The following CERS5 variants were observed in gnomAD, a reference collection of about 807,000 sequenced individuals.
CERS5 encodes the protein ceramide synthase 5.
In CERS5, 37 loss-of-function variants were observed where a neutral mutation model predicts 58.9. The ratio of observed to expected loss-of-function variants is 0.63; its 90% CI spans 0.48 to 0.83. The LOEUF (loss-of-function observed/expected upper bound fraction) is 0.83, where lower values mean the gene tolerates loss of function less well. Ranked by LOEUF, CERS5 falls within the 40% of genes least tolerant of loss-of-function variation. The pLI is 0.00. For missense variants in CERS5, 398 were observed against 489.3 expected, an observed-to-expected ratio of 0.81 and a Z score of 1.76; for synonymous variants, 147 against 177.8, an observed-to-expected ratio of 0.83 and a Z score of 1.38.
intron 2 of CERS5, 105 bp from the exon 3 acceptor site, chr12:50,143,309 T>C (rs777983612): frequency 7.4e-7 from 1 of 1,358,360 alleles, no homozygotes; most frequent in Non-Finnish European, 1.0e-6. Context: ...GTGGCTCAAG[T>C]GATGTTTATC....
At position 50,143,970 on chromosome 12, in the gene CERS5, C is replaced by T. The variant is rs753570774; in HGVS notation, c.285G>A (p.Val95=). 1.9e-6 allele frequency: 3 copies of T among 1,605,458 alleles called. No individual in the cohort carries two copies. Among genetic ancestry groups the T allele is most frequent in the South Asian group, 2.2e-5 (2 of 90,846 alleles). Residue 95 remains valine, a synonymous_variant, in exon 2 of 10, where the codon GTG becomes GTA. Coordinates refer to ENST00000317551, the MANE Select transcript of CERS5 (RefSeq NM_147190.5). ...QAQPNAILEK[V]FISITKYPDK... ...CACTTACCTTGGTAATAGATATGAA[C>T]ACCTTTTCAAGGATGGCATTGGGTT...
In CERS5 at chr12:50,141,776, T is replaced by C. The variant is rs577650177; in HGVS notation, c.492+277A>G. Among the ~76,000 whole-genome samples, 3 of 151,618 alleles carry C rather than the reference T, an allele frequency of 2.0e-5. No homozygotes were observed. In the East Asian group the frequency reaches 5.9e-4, roughly 30 times the overall value. On this transcript the variant is annotated intron_variant, in intron 4 of 9. Coordinates refer to ENST00000317551, the MANE Select transcript of CERS5 (RefSeq NM_147190.5). Reference sequence around the variant, plus strand: ...CAACATGGTGAAACCCCGTCTCTACTAAAAATACAAAAATTAGCCAGGTAT... The same window carrying C: ...CAACATGGTGAAACCCCGTCTCTACCAAAAATACAAAAATTAGCCAGGTAT...
chr12:50,140,703 T>C (rs1437072079), intron 4 of CERS5, among the ~76,000 whole-genome samples: 1 of 152,250 alleles, frequency 6.6e-6, no homozygotes, highest in Non-Finnish European at 1.5e-5. Flanking sequence ...ACTTATTTTA[T>C]GGCCCAGCAT....
intron 2 of CERS5, 49 bp from the exon 3 acceptor site, chr12:50,143,253 C>A: frequency 6.2e-7 from 1 of 1,603,602 alleles, no homozygotes; most frequent in Non-Finnish European, 8.5e-7. Context: ...CATACCCCTC[C>A]TTCAATCCCA....
In CERS5 at chr12:50,137,768, C is replaced by G. The variant is rs775033866; in HGVS notation, c.596G>C (p.Trp199Ser). 2 of 1,609,774 alleles carry G rather than the reference C, an allele frequency of 1.2e-6. No individual in the cohort carries two copies. The highest frequency in any genetic ancestry group is 1.3e-5 in the African/African-American group (1 of 74,726). Residue 199 changes from tryptophan to serine, a missense_variant, in exon 6 of 10, where the codon TGG (tryptophan) becomes TCG (serine). Trp to Ser is a radical substitution (Grantham distance 177). Transcript: ENST00000317551. ...TGTAAACTGAGAAAACATAAGGGAC[C>G]AATAGAAGGCCAATTCCATGATATA... ...HYYIMELAFY[W>S]SLMFSQFTDI...
At chr12:50,166,143 C>T (rs989783455) in intron 1 of CERS5, 128 of 247,818 alleles carry the variant, frequency 5.2e-4, no homozygotes, top group African/African-American at 2.5e-3. Context: ...GCCAACATGG[C>T]GAAACCCCGT....
At position 50,143,558 on chromosome 12, in the gene CERS5, G is replaced by A. The variant is rs141838655; in HGVS notation, c.304-354C>T. The A allele has an allele frequency of 6.1e-4, 157 of 256,294 alleles. 2 individuals carry two copies. The East Asian group carries it at 0.013, about 21-fold the overall frequency. The allele number at this position is 256,294 out of a possible 1,614,324, so 15.9% of individuals were successfully genotyped here. A position where few individuals can be genotyped will look rare whatever the true frequency, so the allele number is the denominator to read the frequency against. ...GCCCAGGAGTCCGAGACCAGCCTGG[G>A]CAACATGGCAAAACCTTGTCTCTCC... is the stretch of plus-strand genomic sequence containing the variant. On this transcript the variant is annotated intron_variant, in intron 2 of 9. Transcript: ENST00000317551.
At position 50,140,387 on chromosome 12, in the gene CERS5, G is replaced by A. The variant is rs147201791; in HGVS notation, c.492+1666C>T. The stretch of plus-strand genomic sequence containing the variant: ...CAACCTCTGCCTCCAAGGTTCAAGC[G>A]ATTCTCGTGCCTCAGCCTCCCCAGC... On this transcript the variant is annotated intron_variant, in intron 4 of 9. Coordinates refer to ENST00000317551, the MANE Select transcript of CERS5 (RefSeq NM_147190.5). Among the ~76,000 whole-genome samples the A allele has an allele frequency of 1.9e-3, 271 of 143,356 alleles. 3 individuals are homozygous for A. The highest frequency in any genetic ancestry group is 6.7e-3 in the African/African-American group (257 of 38,412). The allele number at this position is 143,356 out of a possible 152,430, so 94.0% of individuals were successfully genotyped here. A position where few individuals can be genotyped will look rare whatever the true frequency, so the allele number is the denominator to read the frequency against.
intron 1 of CERS5, among the ~76,000 whole-genome samples, chr12:50,158,296 A>C (rs1311827789): frequency 6.6e-6 from 1 of 152,154 alleles, no homozygotes; most frequent in Non-Finnish European, 1.5e-5. Flanking sequence ...TTAAAATAGA[A>C]ACACAAACAC....
chr12:50,142,500 A>G (rs1204641201), intron 3 of CERS5, among the ~76,000 whole-genome samples: 3 of 149,194 alleles, frequency 2.0e-5, no homozygotes, highest in Non-Finnish European at 4.4e-5. Context: ...CAGTGAGCAG[A>G]GACTGTGCCA....
At chr12:50,138,414 A>AG (rs397956331) in intron 5 of CERS5, among the ~76,000 whole-genome samples, 153 bp downstream of exon 5, 8 of 151,682 alleles carry the variant, frequency 5.3e-5, no homozygotes, top group African/African-American at 1.9e-4. Context: ...GGAAAAAAAA[A>AG]TAGATACCCT....
intron 1 of CERS5, among the ~76,000 whole-genome samples, chr12:50,156,072 C>G (rs1259317813): frequency 7.4e-6 from 1 of 134,552 alleles, no homozygotes; most frequent in Non-Finnish European, 1.5e-5. Context: ...TGCACTCCAG[C>G]CTGGGCGACA....
intron 1 of CERS5, among the ~76,000 whole-genome samples, chr12:50,160,122 T>C (rs1939107871): frequency 6.6e-6 from 1 of 151,242 alleles, no homozygotes; most frequent in Non-Finnish European, 1.5e-5. Flanking sequence ...CTGGCCAACA[T>C]GGCAAAACCC....
chr12:50,154,505 A>G (rs1037131817), intron 1 of CERS5, among the ~76,000 whole-genome samples: 46 of 152,328 alleles, frequency 3.0e-4, no homozygotes, highest in African/African-American at 9.4e-4. Flanking sequence ...AATCAAAACA[A>G]TGTATCACAA....
intron 3 of CERS5, among the ~76,000 whole-genome samples, chr12:50,142,548 C>CAAAA: frequency 1.2e-5 from 1 of 86,774 alleles, no homozygotes; most frequent in African/African-American, 4.3e-5. Context: ...GACTCCGTCT[C>CAAAA]AAAAAAAAAA....
At chr12:50,158,024 T>C (rs1370979775) in intron 1 of CERS5, among the ~76,000 whole-genome samples, 1 of 133,236 alleles carries the variant, frequency 7.5e-6, no homozygotes, top group Admixed American at 8.9e-5. Context: ...ATTGTGCCAC[T>C]GCACTCCAAC....
intron 4 of CERS5, 93 bp downstream of exon 4, chr12:50,141,960 A>AAAAAAAAAAAAAAAT: frequency 2.6e-6 from 2 of 768,522 alleles, no homozygotes; most frequent in Admixed American, 3.0e-5. Flanking sequence ...AAAAAAAAAG[A>AAAAAAAAAAAAAAAT]AAAGAAAAAA....
chr12:50,154,672 C>A (rs1938368379), intron 1 of CERS5, among the ~76,000 whole-genome samples: 1 of 151,830 alleles, frequency 6.6e-6, no homozygotes, highest in South Asian at 2.1e-4. Context: ...ACATGTAAAT[C>A]AATTTATTAT....
intron 1 of CERS5, among the ~76,000 whole-genome samples, chr12:50,148,904 C>CAAAA (rs71083511): frequency 1.5e-4 from 11 of 72,086 alleles, no homozygotes; most frequent in African/African-American, 4.9e-4. Context: ...GACTCCATCT[C>CAAAA]AAAAAAAAAA....
Sources: gnomAD v4.1 joint callset for allele counts (sites outside exome capture counted in the v4.1 genomes callset) on GRCh38, gnomAD v4.1.1 for gene constraint, MANE v1.5 for transcripts, NCBI Gene and HGNC (gene_info 2026-07-23, HGNC 2026-07-21) for gene names.